UBE3D: variants seen among roughly 807,000 people sequenced by gnomAD.
UBE3D encodes the protein E3 ubiquitin-protein ligase E3D.
In UBE3D, 48 loss-of-function variants were observed where a neutral mutation model predicts 49.6. The observed-to-expected ratio is 0.97, with a 90% CI of 0.77 to 1.23. The LOEUF is 1.23. Ranked by LOEUF, UBE3D falls within the 50% of genes most tolerant of loss-of-function variation. The pLI is 0.00. For missense variants in UBE3D, 452 were observed against 468.4 expected, an observed-to-expected ratio of 0.96 and a Z score of 0.32; for synonymous variants, 189 against 174.2, an observed-to-expected ratio of 1.08 and a Z score of -0.67.
At chr6:83,017,119 A>C (rs886602394) in intron 8 of UBE3D, 8 of 152,204 alleles carry the variant, frequency 5.3e-5, no homozygotes, top group Admixed American at 3.3e-4. Flanking sequence ...AATTAGAATG[A>C]AATAAAAACT....
chr6:82,888,460 T>C (rs144764380), downstream of UBE3D, among the ~76,000 whole-genome samples: 282 of 152,126 alleles, frequency 1.9e-3, no homozygotes, highest in Middle Eastern at 6.8e-3. Flanking sequence ...AGGGATCAAA[T>C]AAAAATATTG....
rs1221049194 is a variant in UBE3D, at chr6:83,019,076, T to C, written c.907A>G (p.Lys303Glu). 1 of 1,614,024 alleles carries C rather than the reference T, an allele frequency of 6.2e-7. No homozygotes were observed. Among genetic ancestry groups the C allele is most frequent in the Non-Finnish European group, 8.5e-7 (1 of 1,179,944 alleles). Residue 303 changes from lysine to glutamate, a missense_variant, in exon 8 of 10, where the codon AAA (lysine) becomes GAA (glutamate). Physicochemically the swap from Lys to Glu is moderately conservative, Grantham distance 56 (BLOSUM62 1). Transcript: ENST00000369747. The part of the protein sequence containing the change: ...IESLRNSKYI[K>E]KFPLLENTFK... The stretch of plus-strand genomic sequence containing the variant: ...GTGTTTTCCAACAAGGGGAATTTTT[T>C]GATATATTTGGAATTTCTCAAAGAT...
chr6:82,887,399 T>TG (rs1422355492), downstream of UBE3D, among the ~76,000 whole-genome samples: 4 of 138,958 alleles, frequency 2.9e-5, no homozygotes, highest in African/African-American at 1.1e-4. Context: ...GTTTTTTTTT[T>TG]TTTTTTTTTT....
Position 83,019,179 on chromosome 6 carries a change from C to T in UBE3D, c.847-43G>A, listed in dbSNP as rs759102210. 3 of 1,552,226 alleles carry T rather than the reference C, an allele frequency of 1.9e-6. No individual in the cohort carries two copies. In the South Asian group the frequency reaches 3.6e-5, roughly 19 times the overall value. ...AAGTCCAAGTATAAGAATATTGTCA[C>T]CTTATCCATATCTTATGACTTTTCA... On this transcript the variant is annotated intron_variant, in intron 7 of 9. Coordinates refer to ENST00000369747, the MANE Select transcript of UBE3D (RefSeq NM_198920.3).
At chr6:82,887,389 G>GTTTTTGTTTTGTTTTTTTTTTTTTTTT in the UBE3D span, among the ~76,000 whole-genome samples, 4 of 98,328 alleles carry the variant, frequency 4.1e-5, no homozygotes, top group African/African-American at 2.0e-4. Flanking sequence ...GACAGTAACA[G>GTTTTTGTTTTGTTTTTTTTTTTTTTTT]TTTTTTTTTT....
chr6:82,899,892 G>A (rs1771604032), intron 9 of UBE3D, among the ~76,000 whole-genome samples: 1 of 152,116 alleles, frequency 6.6e-6, no homozygotes, highest in African/African-American at 2.4e-5. Context: ...CATTGATATA[G>A]CAGTCTTCTG....
chr6:82,926,932 C>G (rs754051233), intron 9 of UBE3D, among the ~76,000 whole-genome samples: 1 of 152,062 alleles, frequency 6.6e-6, no homozygotes, highest in Non-Finnish European at 1.5e-5. Context: ...TCATCAGATG[C>G]TAGGCCATCT....
intron 8 of UBE3D, among the ~76,000 whole-genome samples, chr6:82,994,907 G>A (rs1779138018): frequency 6.6e-6 from 1 of 152,186 alleles, no homozygotes; most frequent in Non-Finnish European, 1.5e-5. Flanking sequence ...ATGCAGCAGA[G>A]ACAACATAGA....
chr6:82,895,395 G>A (rs1275508395), intron 9 of UBE3D, among the ~76,000 whole-genome samples: 1 of 152,102 alleles, frequency 6.6e-6, no homozygotes. Context: ...GTGTACTGAC[G>A]GGCGTTTGGC....
At chr6:83,008,405 T>C (rs922253603) in intron 8 of UBE3D, among the ~76,000 whole-genome samples, 5 of 152,122 alleles carry the variant, frequency 3.3e-5, no homozygotes, top group African/African-American at 9.7e-5. Flanking sequence ...AAATGTGATA[T>C]ATGAAATAAA....
At chr6:82,930,175 T>C (rs968205474) in intron 9 of UBE3D, among the ~76,000 whole-genome samples, 1 of 152,200 alleles carries the variant, frequency 6.6e-6, no homozygotes, top group African/African-American at 2.4e-5. Flanking sequence ...TTCTCCTTGC[T>C]GCCACCATGT....
intron 8 of UBE3D, among the ~76,000 whole-genome samples, chr6:82,991,535 C>T (rs1778882991): frequency 6.6e-6 from 1 of 152,068 alleles, no homozygotes. Context: ...GAATCTTTAA[C>T]TCTCATAAAT....
the UBE3D span, among the ~76,000 whole-genome samples, chr6:82,885,173 G>A: frequency 1.4e-5 from 2 of 148,058 alleles, no homozygotes; most frequent in Non-Finnish European, 3.0e-5. Flanking sequence ...AAAAAAAAAA[G>A]CACTGACAAA....
downstream of UBE3D, among the ~76,000 whole-genome samples, chr6:82,887,394 T>TGTTTTG (rs764187205): frequency 1.1e-3 from 150 of 131,414 alleles, 5 homozygotes; most frequent in African/African-American, 4.4e-3. Context: ...TAACAGTTTT[T>TGTTTTG]TTTTTTTTTT....
chr6:83,064,251 G>T (rs994743679), intron 1 of UBE3D, among the ~76,000 whole-genome samples: 1 of 151,992 alleles, frequency 6.6e-6, no homozygotes. Flanking sequence ...TTGAGACGGA[G>T]TCTCTTTCTG....
At chr6:82,959,892 G>A (rs1776429626) in intron 8 of UBE3D, among the ~76,000 whole-genome samples, 1 of 152,066 alleles carries the variant, frequency 6.6e-6, no homozygotes, top group Admixed American at 6.5e-5. Flanking sequence ...TCCTGTTAGT[G>A]GAAGAAAGGC....
intron 8 of UBE3D, among the ~76,000 whole-genome samples, chr6:82,986,265 G>GGGA (rs1302700189): frequency 1.3e-5 from 2 of 151,926 alleles, no homozygotes; most frequent in South Asian, 4.2e-4. Context: ...GAGGTCAGGA[G>GGGA]TTCAAGACCA....
At chr6:83,033,332 T>C (rs1782013838) in intron 5 of UBE3D, among the ~76,000 whole-genome samples, 1 of 152,170 alleles carries the variant, frequency 6.6e-6, no homozygotes, top group Non-Finnish European at 1.5e-5. Context: ...TTATTGTAAA[T>C]TGGGGATTAT....
At chr6:83,031,567 CT>C (rs1228159313) in intron 5 of UBE3D, among the ~76,000 whole-genome samples, 1 of 152,170 alleles carries the variant, frequency 6.6e-6, no homozygotes, top group Non-Finnish European at 1.5e-5. Flanking sequence ...TAAGATTTGA[CT>C]GCTTTGCTGG....
Sources: allele counts gnomAD v4.1 joint callset (sites outside exome capture counted in the v4.1 genomes callset), GRCh38; gene constraint gnomAD v4.1.1; transcripts MANE v1.5; gene names NCBI Gene and HGNC (gene_info 2026-07-23, HGNC 2026-07-21).